Variants in PRELID2 observed in about 807,000 individuals in gnomAD.
PRELID2 encodes the protein PRELI domain containing 2.
Under a neutral mutation model 28.4 loss-of-function variants are expected in PRELID2, and 25 were observed. The observed-to-expected ratio is 0.88, with a 90% confidence interval of 0.64 to 1.23. The LOEUF (loss-of-function observed/expected upper bound fraction) is 1.23, where lower values mean the gene tolerates loss of function less well. Among genes scored for constraint, PRELID2 ranks in the 50% most tolerant of loss-of-function variants. The pLI, the probability that PRELID2 is intolerant of heterozygous loss-of-function variation, is 0.00. For synonymous variants in PRELID2, 76 were observed against 71.6 expected, an observed-to-expected ratio of 1.06 and a Z score of -0.31; for missense variants, 201 against 214.4, an observed-to-expected ratio of 0.94 and a Z score of 0.39.
chr5:145,522,441 C>T (rs1752571090), intron 1 of PRELID2, among the ~76,000 whole-genome samples: 1 of 151,420 alleles, frequency 6.6e-6, no homozygotes, highest in Admixed American at 6.6e-5. Flanking sequence ...GAAAGAGAGA[C>T]AGAGAGACAG....
At chr5:145,552,514 C>T (rs2126682638) in intron 1 of PRELID2, among the ~76,000 whole-genome samples, 1 of 152,224 alleles carries the variant, frequency 6.6e-6, no homozygotes, top group Non-Finnish European at 1.5e-5. Context: ...TCCCCCGCCT[C>T]ACCTTCCACC....
the PRELID2 span, among the ~76,000 whole-genome samples, chr5:145,453,629 G>C: frequency 6.6e-6 from 1 of 151,954 alleles, no homozygotes; most frequent in South Asian, 2.1e-4. Flanking sequence ...CCCCAACCCT[G>C]ACAGGCCCCA....
intron 1 of PRELID2, among the ~76,000 whole-genome samples, chr5:145,713,747 T>G (rs1755769102): frequency 6.8e-6 from 1 of 147,152 alleles, no homozygotes; most frequent in Non-Finnish European, 1.5e-5. Flanking sequence ...AGAGTTCTTC[T>G]GGCACATATA....
chr5:145,818,842 C>G (rs1754557136), intron 3 of PRELID2, among the ~76,000 whole-genome samples: 1 of 152,204 alleles, frequency 6.6e-6, no homozygotes, highest in Non-Finnish European at 1.5e-5. Context: ...AGGAGCCAAG[C>G]TGGGTTCCAC....
chr5:145,536,163 G>A (rs1752696226), intron 1 of PRELID2, among the ~76,000 whole-genome samples: 1 of 151,900 alleles, frequency 6.6e-6, no homozygotes, highest in Non-Finnish European at 1.5e-5. Flanking sequence ...GTTAAGGGAG[G>A]CTGAGGGATG....
chr5:145,571,719 C>T (rs1284077433), intron 1 of PRELID2, among the ~76,000 whole-genome samples: 8 of 152,060 alleles, frequency 5.3e-5, no homozygotes, highest in South Asian at 2.1e-4. Flanking sequence ...CGGTGGTTCA[C>T]GCCTCTAATC....
At chr5:145,749,152 G>A (rs2149749605) in intron 1 of PRELID2, among the ~76,000 whole-genome samples, 1 of 152,270 alleles carries the variant, frequency 6.6e-6, no homozygotes, top group South Asian at 2.1e-4. Flanking sequence ...CTTCTGCACA[G>A]CAAAAGAAAC....
intron 1 of PRELID2, among the ~76,000 whole-genome samples, chr5:145,742,343 C>T (rs747314313): frequency 6.2e-4 from 70 of 112,838 alleles, no homozygotes; most frequent in Non-Finnish European, 1.1e-3. Flanking sequence ...TTTTTTCTGG[C>T]TACATCCTAC....
intron 1 of PRELID2, among the ~76,000 whole-genome samples, chr5:145,611,899 T>C (rs1161145888): frequency 6.6e-6 from 1 of 152,198 alleles, no homozygotes; most frequent in Non-Finnish European, 1.5e-5. Flanking sequence ...AAGTCAAGAT[T>C]TACTGAAAAG....
intron 1 of PRELID2, among the ~76,000 whole-genome samples, chr5:145,557,082 G>C (rs1009517698): frequency 6.6e-6 from 1 of 152,152 alleles, no homozygotes; most frequent in African/African-American, 2.4e-5. Flanking sequence ...CCCAGTGTCT[G>C]TTTTGTTCAC....
At chr5:145,335,378 T>A in the PRELID2 span, among the ~76,000 whole-genome samples, 2 of 152,132 alleles carry the variant, frequency 1.3e-5, no homozygotes, top group Non-Finnish European at 2.9e-5. Context: ...CCTGGTATTA[T>A]TGAGTTGTCT....
chr5:145,524,387 G>A (rs1752590450), intron 1 of PRELID2, among the ~76,000 whole-genome samples: 1 of 152,208 alleles, frequency 6.6e-6, no homozygotes, highest in Non-Finnish European at 1.5e-5. Flanking sequence ...CTAGGATTTG[G>A]CCATTTCCCG....
the PRELID2 span, among the ~76,000 whole-genome samples, chr5:145,298,626 G>A: frequency 6.6e-6 from 1 of 151,974 alleles, no homozygotes; most frequent in African/African-American, 2.4e-5. Context: ...TCCATTTTCT[G>A]CCATGTGATG....
At chr5:145,816,076 CTTTTTTTTTTTT>C (rs1191298938) in intron 4 of PRELID2, among the ~76,000 whole-genome samples, 3 of 89,048 alleles carry the variant, frequency 3.4e-5, no homozygotes, top group South Asian at 3.8e-4. Context: ...TATTGTGTGT[CTTTTTTTTTTTT>C]TTTTTTTTTT....
the PRELID2 span, among the ~76,000 whole-genome samples, chr5:145,391,798 C>A: frequency 6.6e-6 from 1 of 151,628 alleles, no homozygotes; most frequent in Non-Finnish European, 1.5e-5. Context: ...TACCCTAAAT[C>A]ATCTCTCTCA....
chr5:145,431,064 G>T, the PRELID2 span, among the ~76,000 whole-genome samples: 1 of 109,688 alleles, frequency 9.1e-6, no homozygotes, highest in African/African-American at 3.4e-5. Flanking sequence ...TGTCAGAGTT[G>T]AGCATCACAG....
intron 1 of PRELID2, among the ~76,000 whole-genome samples, chr5:145,731,705 C>T (rs779650975): frequency 1.3e-5 from 2 of 152,142 alleles, no homozygotes; most frequent in East Asian, 1.9e-4. Flanking sequence ...GTCTCCATTA[C>T]GATGAATCAG....
At chr5:145,762,851 T>C (rs939255303) in intron 6 of PRELID2, among the ~76,000 whole-genome samples, 2 of 152,236 alleles carry the variant, frequency 1.3e-5, no homozygotes, top group Non-Finnish European at 2.9e-5. Flanking sequence ...ATCTAACTCC[T>C]AGCTATTAGC....
chr5:145,635,605 T>C (rs1753989518), intron 1 of PRELID2, among the ~76,000 whole-genome samples: 1 of 152,244 alleles, frequency 6.6e-6, no homozygotes, highest in Non-Finnish European at 1.5e-5. Flanking sequence ...CTGGCAGCAG[T>C]GCCTGAGCTC....
Sources: allele counts gnomAD v4.1 joint callset (sites outside exome capture counted in the v4.1 genomes callset), GRCh38; gene constraint gnomAD v4.1.1; transcripts MANE v1.5; gene names NCBI Gene and HGNC (gene_info 2026-07-23, HGNC 2026-07-21).